Variants in PDCD1LG2 observed in about 807,000 individuals in gnomAD.
The protein encoded by PDCD1LG2 is B7 dendritic cell molecule.
In PDCD1LG2, 32 loss-of-function variants were observed where a neutral mutation model predicts 28.2. The observed-to-expected ratio is 1.13, with a 90% CI of 0.86 to 1.52. PDCD1LG2 has a LOEUF of 1.52. Among genes scored for constraint, PDCD1LG2 ranks in the 40% most tolerant of loss-of-function variants. The pLI, the probability that PDCD1LG2 is intolerant of heterozygous loss-of-function variation, is 0.00. For missense variants in PDCD1LG2, 385 were observed against 323.8 expected (o/e 1.19, Z -1.45); for synonymous variants, 116 against 120.2 (o/e 0.97, Z 0.23).
chr9:5,551,682 T>G (rs1204347131), intron 4 of PDCD1LG2, among the ~76,000 whole-genome samples: 2 of 152,152 alleles, frequency 1.3e-5, no homozygotes, highest in Non-Finnish European at 2.9e-5. Context: ...AAGAAAAGTA[T>G]CCAATTTGAG....
chr9:5,547,614 G>A (rs1328300748), intron 3 of PDCD1LG2, among the ~76,000 whole-genome samples: 1 of 152,064 alleles, frequency 6.6e-6, no homozygotes, highest in Non-Finnish European at 1.5e-5. Context: ...GGTACAATAT[G>A]ATGTTTTGAT....
At chr9:5,512,018 G>A (rs892974644) in intron 1 of PDCD1LG2, among the ~76,000 whole-genome samples, 14 of 152,182 alleles carry the variant, frequency 9.2e-5, no homozygotes, top group African/African-American at 2.7e-4. Flanking sequence ...TGAAATGTTC[G>A]TGTAATGGAC....
chr9:5,528,647 A>G (rs1454252372), intron 2 of PDCD1LG2, among the ~76,000 whole-genome samples: 1 of 152,074 alleles, frequency 6.6e-6, no homozygotes, highest in African/African-American at 2.4e-5. Flanking sequence ...TTCATTGGTG[A>G]CATTCAAATC....
chr9:5,561,708 A>T (rs1477930203), intron 5 of PDCD1LG2, among the ~76,000 whole-genome samples: 1 of 152,188 alleles, frequency 6.6e-6, no homozygotes, highest in Non-Finnish European at 1.5e-5. Context: ...GTGTTTCTTA[A>T]ACTCTCTTGT....
rs73386694 is a variant in PDCD1LG2 at position 5,522,712 on chromosome 9, G to A, written c.55+111G>A. The A allele has an allele frequency of 1.2e-3, 1,078 of 905,506 alleles. 11 individuals carry two copies. In the African/African-American group the frequency reaches 0.012, roughly 10 times the overall value. The allele number at this position is 905,506 out of a possible 1,614,324, so 56.1% of individuals were successfully genotyped here. A position where few individuals can be genotyped will look rare whatever the true frequency, so the allele number is the denominator to read the frequency against. On this transcript the variant is annotated intron_variant, in intron 2 of 6. Coordinates refer to ENST00000397747, the MANE Select transcript of PDCD1LG2 (RefSeq NM_025239.4). ...GGCTGAGGGCTTTCTTTGAGAGGAC[G>A]TATGATTTCTGGGCTATTCCAAGCA... is the stretch of plus-strand genomic sequence containing the variant.
rs531414699 is a variant in PDCD1LG2 at position 5,563,491 on chromosome 9, A to G, written c.816+280A>G. On this transcript the variant is annotated intron_variant, in intron 6 of 6. Coordinates refer to ENST00000397747, the MANE Select transcript of PDCD1LG2 (RefSeq NM_025239.4). ...ACAGAGTTAAAATCGAACAGCAAAG[A>G]GAAGATATTCAACTGCGATGCAATT... Among the ~76,000 whole-genome samples, 5 of 152,352 alleles carry G rather than the reference A, an allele frequency of 3.3e-5. No homozygotes were observed. In the South Asian group the frequency reaches 1.0e-3, roughly 32 times the overall value.
intron 3 of PDCD1LG2, among the ~76,000 whole-genome samples, chr9:5,537,358 G>A (rs1820600086): frequency 6.6e-6 from 1 of 152,130 alleles, no homozygotes; most frequent in Admixed American, 6.5e-5. Flanking sequence ...TTGGAAAAGA[G>A]AGCCATATCC....
intron 4 of PDCD1LG2, among the ~76,000 whole-genome samples, chr9:5,555,252 C>T (rs1219264410): frequency 6.6e-6 from 1 of 151,978 alleles, no homozygotes; most frequent in Non-Finnish European, 1.5e-5. Flanking sequence ...CCCGTCTCTA[C>T]TAAAAATACA....
chr9:5,543,200 C>T (rs1051011001), intron 3 of PDCD1LG2, among the ~76,000 whole-genome samples: 1 of 152,014 alleles, frequency 6.6e-6, no homozygotes, highest in Admixed American at 6.6e-5. Context: ...ATACAATGGA[C>T]TTTCAGGACT....
intron 1 of PDCD1LG2, among the ~76,000 whole-genome samples, chr9:5,518,684 C>G (rs1029990897): frequency 2.6e-5 from 4 of 152,188 alleles, no homozygotes; most frequent in African/African-American, 9.7e-5. Flanking sequence ...TCACTGAGGA[C>G]CTTACATTTC....
chr9:5,525,118 C>T (rs886220636), intron 2 of PDCD1LG2, among the ~76,000 whole-genome samples: 8 of 152,086 alleles, frequency 5.3e-5, no homozygotes, highest in South Asian at 2.1e-4. Flanking sequence ...GAGGCCGAGG[C>T]GGGTGGATCA....
chr9:5,536,878 G>A (rs756955651), intron 3 of PDCD1LG2, among the ~76,000 whole-genome samples: 2 of 152,200 alleles, frequency 1.3e-5, no homozygotes, highest in Admixed American at 6.5e-5. Context: ...CTGACAATGT[G>A]CATGCCAGGC....
chr9:5,566,120 A>G (rs764370947), intron 6 of PDCD1LG2, among the ~76,000 whole-genome samples: 2 of 152,098 alleles, frequency 1.3e-5, no homozygotes, highest in South Asian at 4.1e-4. Context: ...GCTGCCCGGG[A>G]GCCATCCCGC....
At chr9:5,560,729 G>A (rs1382292286) in intron 5 of PDCD1LG2, among the ~76,000 whole-genome samples, 1 of 150,646 alleles carries the variant, frequency 6.6e-6, no homozygotes, top group Non-Finnish European at 1.5e-5. Flanking sequence ...AAGTAAAGAA[G>A]CAGCAGGCTT....
chr9:5,554,098 T>C (rs1586816186), intron 4 of PDCD1LG2, among the ~76,000 whole-genome samples: 1 of 152,304 alleles, frequency 6.6e-6, no homozygotes, highest in East Asian at 1.9e-4. Context: ...ACCTGGACCA[T>C]TTGTTTGCCT....
intron 4 of PDCD1LG2, among the ~76,000 whole-genome samples, chr9:5,555,129 T>C (rs930432702): frequency 2.0e-5 from 3 of 152,162 alleles, no homozygotes; most frequent in African/African-American, 4.8e-5. Context: ...AGTATGCCAT[T>C]ATTGGCCAGG....
chr9:5,544,849 T>G (rs1820761479), intron 3 of PDCD1LG2, among the ~76,000 whole-genome samples: 1 of 152,188 alleles, frequency 6.6e-6, no homozygotes, highest in African/African-American at 2.4e-5. Flanking sequence ...GCAAAACTGA[T>G]CTTATGACCT....
At chr9:5,546,815 G>T (rs1402185956) in intron 3 of PDCD1LG2, among the ~76,000 whole-genome samples, 1 of 152,158 alleles carries the variant, frequency 6.6e-6, no homozygotes, top group East Asian at 1.9e-4. Context: ...ATACATTAGG[G>T]GGAAAGATGT....
intron 5 of PDCD1LG2, among the ~76,000 whole-genome samples, chr9:5,559,099 C>T (rs1197048147): frequency 9.9e-5 from 15 of 152,086 alleles, no homozygotes; most frequent in Non-Finnish European, 7.4e-5. Flanking sequence ...TGTTCCGTTC[C>T]AGCTGTCTTT....
Sources: allele counts gnomAD v4.1 joint callset (sites outside exome capture counted in the v4.1 genomes callset), GRCh38; gene constraint gnomAD v4.1.1; transcripts MANE v1.5; gene names NCBI Gene and HGNC (gene_info 2026-07-23, HGNC 2026-07-21).